The following PLCL2 variants were observed in gnomAD, a reference collection of about 807,000 sequenced individuals.
The protein encoded by PLCL2 is phospholipase C like 2.
Under a neutral mutation model 79.6 loss-of-function variants are expected in PLCL2, and 4 were observed. The observed-to-expected ratio is 0.05, with a 90% CI of 0.02 to 0.11. The LOEUF (loss-of-function observed/expected upper bound fraction) is 0.11, where lower values mean the gene tolerates loss of function less well. Ranked by LOEUF, PLCL2 falls within the 10% of genes least tolerant of loss-of-function variation. The pLI, the probability that PLCL2 is intolerant of heterozygous loss-of-function variation, is 1.00. For missense variants in PLCL2, 895 were observed against 1,291.0 expected (o/e 0.69, Z 4.70); for synonymous variants, 484 against 457.7 (o/e 1.06, Z -0.73).
rs1166570014 is a variant in PLCL2, at chr3:17,026,249, T to G, written c.3018+11338T>G. Among the ~76,000 whole-genome samples, 10 of 152,298 alleles carry G rather than the reference T, an allele frequency of 6.6e-5. No homozygotes were observed. In the East Asian group the frequency reaches 1.9e-3, roughly 29 times the overall value. On this transcript the variant is annotated intron_variant, in intron 3 of 5. Coordinates refer to ENST00000615277, the MANE Select transcript of PLCL2 (RefSeq NM_001144382.2). ...CCATAAGAAAATTACTCTCACACAG[T>G]GGGTAGACAACATGATGTGTTAAGA...
At chr3:16,912,147 C>T (rs1207734579) in intron 1 of PLCL2, among the ~76,000 whole-genome samples, 1 of 152,056 alleles carries the variant, frequency 6.6e-6, no homozygotes, top group African/African-American at 2.4e-5. Context: ...TCATAGTCAC[C>T]CTCCCCAGTG....
intron 3 of PLCL2, among the ~76,000 whole-genome samples, chr3:17,036,278 A>G (rs1051809057): frequency 6.6e-6 from 1 of 152,218 alleles, no homozygotes; most frequent in African/African-American, 2.4e-5. Context: ...ATAATCTTTC[A>G]GTATTTCAGT....
intron 1 of PLCL2, among the ~76,000 whole-genome samples, chr3:16,915,553 A>G (rs79412821): frequency 1.3e-5 from 2 of 152,212 alleles, no homozygotes; most frequent in African/African-American, 4.8e-5. Context: ...TTTTTGTAGT[A>G]TAGGTAGGTT....
At chr3:17,005,432 A>G (rs1428390582) in intron 1 of PLCL2, among the ~76,000 whole-genome samples, 1 of 152,172 alleles carries the variant, frequency 6.6e-6, no homozygotes, top group Non-Finnish European at 1.5e-5. Context: ...GCCACTACCT[A>G]AGTATCCCAG....
At chr3:16,895,705 C>G in intron 1 of PLCL2, among the ~76,000 whole-genome samples, 1 of 152,138 alleles carries the variant, frequency 6.6e-6, no homozygotes, top group African/African-American at 2.4e-5. Flanking sequence ...TTGAAAGCAA[C>G]AACTCAAATG....
chr3:17,012,551 G>A (rs959972006), intron 2 of PLCL2, among the ~76,000 whole-genome samples: 1 of 152,194 alleles, frequency 6.6e-6, no homozygotes, highest in Non-Finnish European at 1.5e-5. Flanking sequence ...AAGTAAAATG[G>A]ATGTGATCCA....
chr3:16,996,057 G>A (rs1048700203), intron 1 of PLCL2, among the ~76,000 whole-genome samples: 10 of 152,212 alleles, frequency 6.6e-5, no homozygotes, highest in Non-Finnish European at 1.5e-4. Context: ...AGGGAAATCA[G>A]CACTGGCCCC....
In PLCL2 at chr3:17,017,864, C is replaced by A. The variant is rs374187764; in HGVS notation, c.3018+2953C>A. On this transcript the variant is annotated intron_variant, in intron 3 of 5. Coordinates refer to ENST00000615277, the MANE Select transcript of PLCL2 (RefSeq NM_001144382.2). ...TAGTATTTCAGAAGTGTGCTAGTTTCTTTGTGAAAACGGAGAATGCAGATC... is the reference window on the plus strand; with the variant it reads ...TAGTATTTCAGAAGTGTGCTAGTTTATTTGTGAAAACGGAGAATGCAGATC... Among the ~76,000 whole-genome samples, 34 of 152,278 alleles carry A rather than the reference C, an allele frequency of 2.2e-4. No individual in the cohort carries two copies. The South Asian group carries it at 7.1e-3, about 32-fold the overall frequency.
In PLCL2 at chr3:16,886,711, A is replaced by G. The variant is rs1696233203; in HGVS notation, c.327+1345A>G. Among the ~76,000 whole-genome samples, 1 of 152,242 alleles carries G rather than the reference A, an allele frequency of 6.6e-6. No individual in the cohort carries two copies. Among genetic ancestry groups the G allele is most frequent in the Admixed American group, 6.5e-5 (1 of 15,292 alleles). On this transcript the variant is annotated intron_variant, in intron 1 of 5. Coordinates refer to ENST00000615277, the MANE Select transcript of PLCL2 (RefSeq NM_001144382.2). The surrounding 1 kb of genome is among the most constrained non-coding windows in gnomAD (Gnocchi z 4.2). Reference sequence around the variant, plus strand: ...AGTAAAGTGTCTTTTTGCTGCATACATAGCTTTTAGTGACTTACGTTTTCT... The same window carrying G: ...AGTAAAGTGTCTTTTTGCTGCATACGTAGCTTTTAGTGACTTACGTTTTCT...
At chr3:17,018,509 T>C (rs1322429679) in intron 3 of PLCL2, among the ~76,000 whole-genome samples, 4 of 152,158 alleles carry the variant, frequency 2.6e-5, no homozygotes, top group African/African-American at 7.2e-5. Context: ...AAGTGACCCT[T>C]GAGTCCCTTT....
At chr3:17,041,051 C>T (rs943045171) in intron 3 of PLCL2, among the ~76,000 whole-genome samples, 11 of 152,108 alleles carry the variant, frequency 7.2e-5, no homozygotes, top group Non-Finnish European at 1.2e-4. Context: ...TTTGGCTTGA[C>T]ATCAAAGCTG....
intron 1 of PLCL2, among the ~76,000 whole-genome samples, chr3:16,970,413 AG>A (rs1362993472): frequency 6.7e-6 from 1 of 150,168 alleles, no homozygotes; most frequent in Non-Finnish European, 1.5e-5. Context: ...ATGGCTGCAT[AG>A]TATTCCATGG....
intron 1 of PLCL2, among the ~76,000 whole-genome samples, chr3:17,004,797 A>T (rs2125004565): frequency 6.6e-6 from 1 of 152,120 alleles, no homozygotes; most frequent in East Asian, 1.9e-4. Flanking sequence ...TTAGTTTTGT[A>T]TTGTTGTGTA....
chr3:16,895,141 G>A (rs949868896), intron 1 of PLCL2, among the ~76,000 whole-genome samples: 2 of 151,712 alleles, frequency 1.3e-5, no homozygotes, highest in East Asian at 1.9e-4. Context: ...TATCTATATC[G>A]ATATAGATAT....
intron 4 of PLCL2, among the ~76,000 whole-genome samples, chr3:17,044,782 T>C (rs1363533999): frequency 6.6e-6 from 1 of 152,246 alleles, no homozygotes. Context: ...ATTTGAGTTA[T>C]TGTCAATTCA....
intron 1 of PLCL2, among the ~76,000 whole-genome samples, chr3:16,978,947 A>G (rs566705575): frequency 2.6e-5 from 4 of 152,338 alleles, no homozygotes; most frequent in Non-Finnish European, 2.9e-5. Flanking sequence ...ATACTTGCCC[A>G]AAGAGAATAA....
chr3:17,085,948 G>A (rs1559293391), intron 5 of PLCL2, among the ~76,000 whole-genome samples: 1 of 152,176 alleles, frequency 6.6e-6, no homozygotes, highest in Non-Finnish European at 1.5e-5. Context: ...CCATATTCAT[G>A]GATGGGAAGA....
intron 1 of PLCL2, among the ~76,000 whole-genome samples, chr3:16,905,134 A>G (rs984991761): frequency 3.9e-5 from 6 of 152,138 alleles, no homozygotes; most frequent in Admixed American, 1.3e-4. Context: ...TAAAATGTGG[A>G]CTGAATCCTC....
Position 17,090,446 on chromosome 3 carries a change from C to A in PLCL2, c.*534C>A. 1 of 167,758 alleles carries A rather than the reference C, an allele frequency of 6.0e-6. No individual in the cohort carries two copies. The highest frequency in any genetic ancestry group is 1.2e-5 in the Non-Finnish European group (1 of 81,860). 10.4% of individuals were successfully genotyped at this position (167,758 alleles called of 1,614,324 possible). A position where few individuals can be genotyped will look rare whatever the true frequency, so the allele number is the denominator to read the frequency against. ...TTGGAGAGCCATCGAGGAGAATGTG[C>A]AATTGGACTGAAGCTCCCTGGCTGA... On this transcript the variant is annotated 3_prime_UTR_variant, in exon 6 of 6. Transcript: ENST00000615277.
Sources: allele counts gnomAD v4.1 joint callset (sites outside exome capture counted in the v4.1 genomes callset), GRCh38; gene constraint gnomAD v4.1.1; non-coding constraint Gnocchi (gnomAD v3.1); transcripts MANE v1.5; gene names NCBI Gene and HGNC (gene_info 2026-07-23, HGNC 2026-07-21).